TRIM44: variants seen among roughly 807,000 people sequenced by gnomAD.
The protein encoded by TRIM44 is tripartite motif containing 44.
TRIM44 carries 13 observed loss-of-function variants against 37.4 expected under a neutral mutation model. That is an observed-to-expected ratio of 0.35 (90% CI 0.23 to 0.55). The LOEUF is 0.55. Among genes scored for constraint, TRIM44 ranks in the 20% least tolerant of loss-of-function variants. The probability of loss-of-function intolerance (pLI) is 0.89; values close to 1 mark genes in which losing one functional copy is unlikely to be tolerated. For missense variants in TRIM44, 426 were observed against 437.2 expected (o/e 0.97, Z 0.23); for synonymous variants, 175 against 157.2 (o/e 1.11, Z -0.85).
chr11:35,799,854 G>A lies in TRIM44; in HGVS notation c.1008-6504G>A, dbSNP rs535900747. Among the ~76,000 whole-genome samples the A allele has an allele frequency of 3.5e-4, 54 of 152,262 alleles. 1 individual carries two copies. The South Asian group carries it at 0.011, about 30-fold the overall frequency. On this transcript the variant is annotated intron_variant, in intron 4 of 4. Transcript: ENST00000299413. ...AGGCTCATAGGATAAAATAGAACCA[G>A]AACTAGAGAGAGAAGAGCCCTTCTC...
Position 35,753,205 on chromosome 11 carries a change from G to T in TRIM44, c.1007+17760G>T, listed in dbSNP as rs188628348. ...TGGGGATAATAAGGTGATACAATTG[G>T]GGGGGGAGTTAAATGAGCAAATGTA... is the stretch of plus-strand genomic sequence containing the variant. On this transcript the variant is annotated intron_variant, in intron 4 of 4. Transcript: ENST00000299413. Among the ~76,000 whole-genome samples, 5 of 151,654 alleles carry T rather than the reference G, an allele frequency of 3.3e-5. No homozygotes were observed. The East Asian group carries it at 7.7e-4, about 23-fold the overall frequency.
At chr11:35,746,232 A>G (rs888811835) in intron 4 of TRIM44, among the ~76,000 whole-genome samples, 3 of 152,180 alleles carry the variant, frequency 2.0e-5, no homozygotes, top group Admixed American at 6.5e-5. Flanking sequence ...AGGAAGTCAC[A>G]CAACTTCAGT....
At chr11:35,742,732 A>T (rs1450671228) in intron 4 of TRIM44, among the ~76,000 whole-genome samples, 2 of 138,216 alleles carry the variant, frequency 1.4e-5, no homozygotes, top group Non-Finnish European at 3.1e-5. Flanking sequence ...TAATTATATT[A>T]AATATAATTA....
chr11:35,704,781 C>A (rs1375501138), intron 2 of TRIM44, among the ~76,000 whole-genome samples: 3 of 152,318 alleles, frequency 2.0e-5, no homozygotes, highest in East Asian at 3.9e-4. Context: ...TGCAAAGGAA[C>A]AACCGGTACC....
At chr11:35,692,519 G>A (rs1160313020) in intron 2 of TRIM44, among the ~76,000 whole-genome samples, 1 of 152,136 alleles carries the variant, frequency 6.6e-6, no homozygotes, top group Non-Finnish European at 1.5e-5. Context: ...AATCTGAAAT[G>A]CTTCAGTGAG....
chr11:35,755,409 T>C (rs1852623436), intron 4 of TRIM44, among the ~76,000 whole-genome samples: 1 of 152,194 alleles, frequency 6.6e-6, no homozygotes, highest in South Asian at 2.1e-4. Context: ...TATTAGCCCT[T>C]TGTCAGATGA....
At chr11:35,795,593 C>A (rs547100885) in intron 4 of TRIM44, among the ~76,000 whole-genome samples, 25 of 152,200 alleles carry the variant, frequency 1.6e-4, no homozygotes, top group South Asian at 1.2e-3. Context: ...TTTTAAATGG[C>A]CTGTACACTA....
rs1423128117 is a variant in TRIM44 at position 35,755,821 on chromosome 11, G to A, written c.1007+20376G>A. ...TCAAAGATCAGATAGTTGTAGATAT[G>A]CGGCGTTATTTCTGAGGGTTCTGTT... On this transcript the variant is annotated intron_variant, in intron 4 of 4. Coordinates refer to ENST00000299413, the MANE Select transcript of TRIM44 (RefSeq NM_017583.6). 5.3e-5 allele frequency among the ~76,000 whole-genome samples: 8 copies of A among 152,144 alleles called. No homozygotes were observed. The East Asian group carries it at 5.8e-4, about 11-fold the overall frequency.
chr11:35,681,274 C>A (rs1373245911), intron 1 of TRIM44, among the ~76,000 whole-genome samples: 2 of 152,168 alleles, frequency 1.3e-5, no homozygotes, highest in Non-Finnish European at 2.9e-5. Flanking sequence ...CACTGCTTTT[C>A]AGTGAGATGC....
At chr11:35,697,895 A>G (rs942645653) in intron 2 of TRIM44, among the ~76,000 whole-genome samples, 24 of 152,002 alleles carry the variant, frequency 1.6e-4, no homozygotes, top group Middle Eastern at 3.4e-3. Flanking sequence ...GCTATTGTGA[A>G]TAGTGCCGCA....
chr11:35,732,991 C>G (rs912814459), intron 3 of TRIM44, among the ~76,000 whole-genome samples: 2 of 152,184 alleles, frequency 1.3e-5, no homozygotes, highest in African/African-American at 2.4e-5. Flanking sequence ...CTTCCCCGCT[C>G]TCCCCTAGAA....
At chr11:35,755,444 T>C (rs1489095091) in intron 4 of TRIM44, among the ~76,000 whole-genome samples, 1 of 152,034 alleles carries the variant, frequency 6.6e-6, no homozygotes, top group East Asian at 1.9e-4. Flanking sequence ...TTATCTCCCA[T>C]TCTGTAGGTT....
At chr11:35,688,786 G>A (rs1851609619) in intron 2 of TRIM44, among the ~76,000 whole-genome samples, 1 of 152,108 alleles carries the variant, frequency 6.6e-6, no homozygotes, top group African/African-American at 2.4e-5. Flanking sequence ...TATTCAATTG[G>A]CCTGGGGTGG....
At chr11:35,758,460 C>T (rs1200491267) in intron 4 of TRIM44, among the ~76,000 whole-genome samples, 1 of 152,112 alleles carries the variant, frequency 6.6e-6, no homozygotes, top group Admixed American at 6.5e-5. Context: ...TCCAGTTTGC[C>T]AGTCTGTGTC....
intron 1 of TRIM44, among the ~76,000 whole-genome samples, chr11:35,672,457 G>GTCTTACA (rs1851406256): frequency 6.6e-6 from 1 of 152,242 alleles, no homozygotes; most frequent in African/African-American, 2.4e-5. Context: ...GGCAAAGGGA[G>GTCTTACA]AAGTGGTTGG....
At chr11:35,799,791 A>G (rs1853341657) in intron 4 of TRIM44, among the ~76,000 whole-genome samples, 1 of 152,200 alleles carries the variant, frequency 6.6e-6, no homozygotes, top group Non-Finnish European at 1.5e-5. Context: ...AACATTGAGT[A>G]AGCCCTCTGT....
intron 1 of TRIM44, 93 bp downstream of exon 1, chr11:35,663,873 G>A (rs771736577): frequency 7.8e-5 from 112 of 1,431,352 alleles, no homozygotes; most frequent in Non-Finnish European, 9.8e-5. Flanking sequence ...CGCTTTCACT[G>A]TGTCCCTAAG....
At chr11:35,773,086 A>G (rs1852896481) in intron 4 of TRIM44, among the ~76,000 whole-genome samples, 1 of 152,156 alleles carries the variant, frequency 6.6e-6, no homozygotes, top group Non-Finnish European at 1.5e-5. Flanking sequence ...TGATGGTTTT[A>G]TCAGGGGTTT....
At position 35,663,211 on chromosome 11, in the gene TRIM44, C is replaced by A. The variant is rs373205820; in HGVS notation, c.100C>A (p.Arg34=). The A allele has an allele frequency of 1.2e-6, 2 of 1,602,158 alleles. No individual in the cohort carries two copies. Among genetic ancestry groups the A allele is most frequent in the African/African-American group, 1.3e-5 (1 of 74,704 alleles). ...GGCTCCGGGGGCCGAGGAAGTGTGC[C>A]GAGAATGCGGCTTCTGCTACTGCCG... is the stretch of plus-strand genomic sequence containing the variant. ...DEAPGAEEVC[R]ECGFCYCRRH... Residue 34 remains arginine, a synonymous_variant, in exon 1 of 5, where the codon CGA becomes AGA. Transcript: ENST00000299413.
Sources: gnomAD v4.1 joint callset for allele counts (sites outside exome capture counted in the v4.1 genomes callset) on GRCh38, gnomAD v4.1.1 for gene constraint, MANE v1.5 for transcripts, NCBI Gene and HGNC (gene_info 2026-07-23, HGNC 2026-07-21) for gene names.